The following SPAG16 variants were observed in gnomAD, a reference collection of about 807,000 sequenced individuals.
The protein encoded by SPAG16 is sperm associated antigen 16.
A neutral mutation model predicts 80.4 loss-of-function variants in SPAG16; 86 were observed. That is an observed-to-expected ratio of 1.07 (90% CI 0.90 to 1.28). The LOEUF is 1.28. SPAG16 is among the 50% of genes most tolerant of loss of function. The pLI is 0.00. For missense variants in SPAG16, 870 were observed against 765.3 expected, an observed-to-expected ratio of 1.14 and a Z score of -1.61; for synonymous variants, 294 against 265.9, an observed-to-expected ratio of 1.11 and a Z score of -1.03.
At chr2:213,953,901 T>C (rs189466220) in intron 12 of SPAG16, among the ~76,000 whole-genome samples, 409 of 152,110 alleles carry the variant, frequency 2.7e-3, no homozygotes, top group African/African-American at 9.4e-3. Context: ...AAATGGTGAA[T>C]TGTGGAAACT....
intron 9 of SPAG16, among the ~76,000 whole-genome samples, chr2:213,411,728 G>GT (rs1482697922): frequency 6.6e-6 from 1 of 152,066 alleles, no homozygotes; most frequent in African/African-American, 2.4e-5. Flanking sequence ...CCTCGCAGCC[G>GT]TAATAGGTGT....
At chr2:214,195,303 T>TGATAGATAGATAGATAGATA (rs78351450) in intron 15 of SPAG16, among the ~76,000 whole-genome samples, 47,303 of 146,452 alleles carry the variant, frequency 0.32, 7,951 homozygotes, top group African/African-American at 0.37. Context: ...AGATGAGAGA[T>TGATAGATAGATAGATAGATA]GATAGATAGA....
At chr2:213,445,998 G>A (rs73986846) in intron 9 of SPAG16, among the ~76,000 whole-genome samples, 10,233 of 152,110 alleles carry the variant, frequency 0.067, 1,137 homozygotes, top group African/African-American at 0.23. Context: ...GGCTTGGACC[G>A]CTGAAACCAT....
intron 3 of SPAG16, chr2:213,302,631 G>GTA (rs1307153939): frequency 3.6e-5 from 2 of 56,194 alleles, no homozygotes; most frequent in African/African-American, 6.1e-5. Context: ...GGGTGTGTGT[G>GTA]TGTGTGTGTG....
intron 15 of SPAG16, among the ~76,000 whole-genome samples, chr2:214,327,951 T>C (rs181789889): frequency 1.3e-4 from 20 of 152,298 alleles, no homozygotes; most frequent in Admixed American, 1.2e-3. Context: ...CAGGGTGGGT[T>C]ATGAAATCAT....
chr2:213,728,427 C>T (rs190182871), intron 10 of SPAG16, among the ~76,000 whole-genome samples: 1 of 152,252 alleles, frequency 6.6e-6, no homozygotes, highest in African/African-American at 2.4e-5. Context: ...CAATCATATG[C>T]TGTACTTAGC....
intron 10 of SPAG16, among the ~76,000 whole-genome samples, chr2:213,521,650 C>A (rs1167331637): frequency 1.3e-5 from 2 of 152,172 alleles, no homozygotes; most frequent in African/African-American, 4.8e-5. Flanking sequence ...TGTTCCTAAC[C>A]TAATCTCCCT....
chr2:214,405,023 T>G (rs1233794361), intron 15 of SPAG16, among the ~76,000 whole-genome samples: 1 of 152,084 alleles, frequency 6.6e-6, no homozygotes. Context: ...AATTATGAGA[T>G]TAACATGAGC....
intron 10 of SPAG16, among the ~76,000 whole-genome samples, chr2:213,815,172 T>C (rs1339537991): frequency 6.6e-6 from 1 of 152,150 alleles, no homozygotes; most frequent in Non-Finnish European, 1.5e-5. Context: ...AACTGAAACA[T>C]GCATGAATAT....
intron 10 of SPAG16, among the ~76,000 whole-genome samples, chr2:213,808,624 C>A (rs1431378117): frequency 6.6e-6 from 1 of 151,968 alleles, no homozygotes; most frequent in Admixed American, 6.6e-5. Flanking sequence ...TTTTTTGCCT[C>A]AAATATGGCA....
chr2:213,447,140 G>A (rs2071367631), intron 9 of SPAG16, among the ~76,000 whole-genome samples: 1 of 152,116 alleles, frequency 6.6e-6, no homozygotes, highest in African/African-American at 2.4e-5. Context: ...GCACCAAAGG[G>A]CTATTTTAAA....
intron 15 of SPAG16, chr2:214,281,117 C>T (rs1474119824): frequency 7.8e-6 from 3 of 386,606 alleles, no homozygotes; most frequent in Non-Finnish European, 1.5e-5. Flanking sequence ...TAGATCTTGT[C>T]CATACCAAAC....
chr2:214,383,591 A>G (rs888170249), intron 15 of SPAG16, among the ~76,000 whole-genome samples: 3 of 151,994 alleles, frequency 2.0e-5, no homozygotes, highest in East Asian at 1.9e-4. Context: ...AAAAAAGAAA[A>G]AAAAAGACAT....
chr2:213,886,310 T>C (rs919832014), intron 11 of SPAG16, among the ~76,000 whole-genome samples: 2 of 152,116 alleles, frequency 1.3e-5, no homozygotes, highest in African/African-American at 4.8e-5. Flanking sequence ...ATGTCCTGCC[T>C]CCATGGGGAA....
intron 10 of SPAG16, among the ~76,000 whole-genome samples, chr2:213,728,325 C>T (rs1223057133): frequency 6.6e-6 from 1 of 152,154 alleles, no homozygotes; most frequent in Non-Finnish European, 1.5e-5. Flanking sequence ...TCTACTGCCT[C>T]CTTCTACCTT....
chr2:213,661,182 G>T (rs2063414220), intron 10 of SPAG16, among the ~76,000 whole-genome samples: 2 of 152,270 alleles, frequency 1.3e-5, no homozygotes, highest in South Asian at 4.1e-4. Context: ...TGTTTGGTGT[G>T]CATACAGTTT....
rs141365648 is a variant in SPAG16 at position 214,272,729 on chromosome 2, G to A, written c.1720+123463G>A. Among the ~76,000 whole-genome samples, 767 of 152,206 alleles carry A rather than the reference G, an allele frequency of 5.0e-3. 5 individuals carry two copies. The highest frequency in any genetic ancestry group is 0.017 in the African/African-American group (721 of 41,518). ...GGGTTGGTTCCAAGTCTTTGCTATC[G>A]TGAATAGTGCTGCAATAAACATACG... On this transcript the variant is annotated intron_variant, in intron 15 of 15. Coordinates refer to ENST00000331683, the MANE Select transcript of SPAG16 (RefSeq NM_024532.5).
At chr2:213,908,952 G>A (rs191992050) in intron 11 of SPAG16, among the ~76,000 whole-genome samples, 91 of 149,506 alleles carry the variant, frequency 6.1e-4, no homozygotes, top group African/African-American at 2.1e-3. Context: ...AGTCCCCAGA[G>A]TGTGATGTTC....
At chr2:213,638,726 A>G (rs190088943) in intron 10 of SPAG16, among the ~76,000 whole-genome samples, 405 of 152,198 alleles carry the variant, frequency 2.7e-3, no homozygotes, top group Non-Finnish European at 4.1e-3. Context: ...TACAGTTGCT[A>G]GGTAGAATGT....
Sources: allele counts gnomAD v4.1 joint callset (sites outside exome capture counted in the v4.1 genomes callset), GRCh38; gene constraint gnomAD v4.1.1; transcripts MANE v1.5; gene names NCBI Gene and HGNC (gene_info 2026-07-23, HGNC 2026-07-21).